Variants in CLIC5 observed in about 807,000 individuals in gnomAD.
CLIC5 encodes the protein CLIC family member 5.
Under a neutral mutation model 24.7 loss-of-function variants are expected in CLIC5, and 20 were observed. The observed-to-expected ratio is 0.81, with a 90% CI of 0.57 to 1.18. The LOEUF (loss-of-function observed/expected upper bound fraction) is 1.18. CLIC5 is among the 50% of genes most tolerant of loss of function. CLIC5 has a pLI of 0.00. For missense variants in CLIC5, 341 were observed against 326.1 expected, an observed-to-expected ratio of 1.05 and a Z score of -0.35; for synonymous variants, 159 against 135.6, an observed-to-expected ratio of 1.17 and a Z score of -1.20.
chr6:45,890,255 T>C (rs558998579), intron 6 of CLIC5, among the ~76,000 whole-genome samples: 2 of 152,286 alleles, frequency 1.3e-5, no homozygotes, highest in South Asian at 4.1e-4. Context: ...CATTTGTCTA[T>C]TTTCGCTTTC....
chr6:46,012,474 C>A (rs1766841605), intron 1 of CLIC5, among the ~76,000 whole-genome samples: 1 of 152,222 alleles, frequency 6.6e-6, no homozygotes, highest in African/African-American at 2.4e-5. Flanking sequence ...AAGGGAAAGA[C>A]TCGGAGTACA....
chr6:45,925,765 A>T (rs1436841679), intron 4 of CLIC5, among the ~76,000 whole-genome samples: 2 of 152,194 alleles, frequency 1.3e-5, no homozygotes, highest in Admixed American at 6.5e-5. Flanking sequence ...AATAAGCTTT[A>T]ACTCTGTAGA....
intron 4 of CLIC5, among the ~76,000 whole-genome samples, chr6:45,940,710 G>A (rs1230948943): frequency 6.6e-6 from 1 of 152,150 alleles, no homozygotes; most frequent in African/African-American, 2.4e-5. Flanking sequence ...CATTCTGAGG[G>A]CAAGGGAATG....
intron 1 of CLIC5, among the ~76,000 whole-genome samples, chr6:46,001,123 G>C (rs3777615): frequency 6.6e-6 from 1 of 151,996 alleles, no homozygotes; most frequent in Non-Finnish European, 1.5e-5. Flanking sequence ...GTTAGGCCTA[G>C]ATAAGCCTCT....
chr6:46,080,059 A>G (rs1762883917), exon 1 of CLIC5: 1 of 1,551,720 alleles, frequency 6.4e-7, no homozygotes, highest in South Asian at 1.2e-5. Flanking sequence ...TTAATGGTAT[A>G]GACTGACACA....
intron 1 of CLIC5, among the ~76,000 whole-genome samples, chr6:45,999,486 G>A (rs1766269788): frequency 6.6e-6 from 1 of 152,014 alleles, no homozygotes; most frequent in Non-Finnish European, 1.5e-5. Flanking sequence ...TGTGTATCCT[G>A]TATATTATGT....
chr6:46,013,022 C>T (rs1000308248), intron 1 of CLIC5, among the ~76,000 whole-genome samples: 3 of 152,166 alleles, frequency 2.0e-5, no homozygotes, highest in African/African-American at 7.2e-5. Flanking sequence ...TAATGACTAT[C>T]AATTGACGTG....
In CLIC5 at chr6:45,906,669, T is replaced by C. The variant is rs186523780; in HGVS notation, c.589-3414A>G. ...CCTCTGCTTCCTGGATTCAAGCGATTCTCCTGCCTCAACCTCCTGAGTAGC... is the reference window on the plus strand; with the variant it reads ...CCTCTGCTTCCTGGATTCAAGCGATCCTCCTGCCTCAACCTCCTGAGTAGC... On this transcript the variant is annotated intron_variant, in intron 5 of 5. Coordinates refer to ENST00000339561, the MANE Select transcript of CLIC5 (RefSeq NM_016929.5). 3.0e-3 allele frequency among the ~76,000 whole-genome samples: 450 copies of C among 152,156 alleles called. 1 individual carries two copies. The highest frequency in any genetic ancestry group is 9.1e-3 in the African/African-American group (376 of 41,482).
At chr6:45,912,607 G>A (rs1762860494) in intron 5 of CLIC5, 2 of 1,460,612 alleles carry the variant, frequency 1.4e-6, no homozygotes, top group Non-Finnish European at 1.8e-6. Flanking sequence ...ATTAAATGAT[G>A]TGCCTCAGCT....
At chr6:45,992,290 T>G (rs1346053379) in intron 1 of CLIC5, among the ~76,000 whole-genome samples, 1 of 152,196 alleles carries the variant, frequency 6.6e-6, no homozygotes, top group African/African-American at 2.4e-5. Context: ...TGAAATGAAT[T>G]GTTGACCCAG....
the CLIC5 span, among the ~76,000 whole-genome samples, chr6:46,120,573 C>A: frequency 3.3e-5 from 5 of 152,348 alleles, no homozygotes; most frequent in South Asian, 6.2e-4. Flanking sequence ...TGGACCAAAG[C>A]TGGACGGAGA....
chr6:45,928,805 G>C (rs1026024124), intron 4 of CLIC5, among the ~76,000 whole-genome samples: 6 of 142,504 alleles, frequency 4.2e-5, no homozygotes, highest in African/African-American at 1.8e-4. Context: ...TAGAGAGAGA[G>C]AGATTGAGAA....
At chr6:46,065,267 G>A (rs1240843582) in intron 1 of CLIC5, among the ~76,000 whole-genome samples, 1 of 151,398 alleles carries the variant, frequency 6.6e-6, no homozygotes, top group Non-Finnish European at 1.5e-5. Context: ...TTAAAAAACT[G>A]GCAATGCTGA....
At chr6:45,950,973 T>G (rs960208682) in intron 2 of CLIC5, among the ~76,000 whole-genome samples, 1 of 152,222 alleles carries the variant, frequency 6.6e-6, no homozygotes, top group African/African-American at 2.4e-5. Flanking sequence ...AAATGTTATC[T>G]TAAGTTAAAA....
upstream of CLIC5, among the ~76,000 whole-genome samples, chr6:46,084,068 G>A (rs1278133588): frequency 6.6e-6 from 1 of 152,136 alleles, no homozygotes; most frequent in Non-Finnish European, 1.5e-5. Flanking sequence ...TTGGTTTAAA[G>A]TCTGTTTTAT....
chr6:45,941,846 C>T (rs1764142689), intron 3 of CLIC5, among the ~76,000 whole-genome samples, 193 bp from the exon 4 acceptor site: 2 of 152,112 alleles, frequency 1.3e-5, no homozygotes, highest in Non-Finnish European at 2.9e-5. Context: ...AAACCAGAGG[C>T]CAGTGAGGTG....
rs1017948374 is a variant in CLIC5, at chr6:45,901,483, C to T, written c.*1605G>A. The T allele has an allele frequency of 2.0e-5, 3 of 152,068 alleles. No individual in the cohort carries two copies. The highest frequency in any genetic ancestry group is 2.9e-5 in the Non-Finnish European group (2 of 68,026). 9.4% of individuals were successfully genotyped at this position (152,068 alleles called of 1,614,324 possible). ...TGTTGATATTTCTATGGAAAGGACC[C>T]GTGCTATCCTGCCCTTGCTGAGAAA... On this transcript the variant is annotated 3_prime_UTR_variant, in exon 6 of 6. Coordinates refer to ENST00000339561, the MANE Select transcript of CLIC5 (RefSeq NM_016929.5).
At chr6:45,898,181 T>C (rs1387402390), downstream of CLIC5, among the ~76,000 whole-genome samples, 1 of 152,182 alleles carries the variant, frequency 6.6e-6, no homozygotes, top group East Asian at 1.9e-4. Flanking sequence ...CAAGCAATTC[T>C]CCTGCCTCAG....
intron 1 of CLIC5, among the ~76,000 whole-genome samples, chr6:45,983,495 G>A (rs1275440492): frequency 6.6e-6 from 1 of 152,100 alleles, no homozygotes; most frequent in East Asian, 1.9e-4. Flanking sequence ...AGCGATTGTG[G>A]CATTCCTTAT....
Sources: allele counts gnomAD v4.1 joint callset (sites outside exome capture counted in the v4.1 genomes callset), GRCh38; gene constraint gnomAD v4.1.1; transcripts MANE v1.5; gene names NCBI Gene and HGNC (gene_info 2026-07-23, HGNC 2026-07-21).